Variants in CAPZB observed in about 807,000 individuals in gnomAD.
CAPZB encodes F-actin-capping protein subunit beta.
In CAPZB, 2 loss-of-function variants were observed where a neutral mutation model predicts 38.1. That is an observed-to-expected ratio of 0.05 (90% CI 0.02 to 0.17). CAPZB has a LOEUF of 0.17. Ranked by LOEUF, CAPZB falls within the 10% of genes least tolerant of loss-of-function variation. The pLI is 1.00. For missense variants in CAPZB, 161 were observed against 334.2 expected, an observed-to-expected ratio of 0.48 and a Z score of 4.04; for synonymous variants, 107 against 127.4, an observed-to-expected ratio of 0.84 and a Z score of 1.08.
At chr1:19,438,446 G>A (rs760946230) in intron 1 of CAPZB, among the ~76,000 whole-genome samples, 3 of 152,168 alleles carry the variant, frequency 2.0e-5, no homozygotes, top group Non-Finnish European at 4.4e-5. Flanking sequence ...GGGAAAGCAG[G>A]TTTTAATGAG....
At chr1:19,344,999 G>A (rs964068038) in intron 7 of CAPZB, among the ~76,000 whole-genome samples, 188 bp downstream of exon 7, 2 of 152,206 alleles carry the variant, frequency 1.3e-5, no homozygotes, top group East Asian at 1.9e-4. Flanking sequence ...CCCTGAAGCT[G>A]GAGCCTGCTG....
At chr1:19,401,981 T>C (rs1296125855) in intron 2 of CAPZB, among the ~76,000 whole-genome samples, 1 of 152,190 alleles carries the variant, frequency 6.6e-6, no homozygotes, top group Non-Finnish European at 1.5e-5. Context: ...TTTAAACCAG[T>C]AATTTAACTC....
intron 1 of CAPZB, among the ~76,000 whole-genome samples, chr1:19,476,457 A>T (rs1201159035): frequency 6.6e-6 from 1 of 152,200 alleles, no homozygotes; most frequent in African/African-American, 2.4e-5. Context: ...TCCTCTCAGA[A>T]TCCCTGCATC....
chr1:19,367,553 C>T (rs2094096130), intron 4 of CAPZB, among the ~76,000 whole-genome samples: 1 of 152,240 alleles, frequency 6.6e-6, no homozygotes, highest in Non-Finnish European at 1.5e-5. Context: ...GATGCTGAAA[C>T]TCAACCACCC....
At chr1:19,481,162 C>G (rs1418134916) in intron 1 of CAPZB, among the ~76,000 whole-genome samples, 1 of 152,160 alleles carries the variant, frequency 6.6e-6, no homozygotes, top group African/African-American at 2.4e-5. Flanking sequence ...TGGTGAGGAC[C>G]GTTCTAACAG....
intron 2 of CAPZB, among the ~76,000 whole-genome samples, chr1:19,396,478 G>A (rs944079671): frequency 1.7e-4 from 26 of 152,162 alleles, no homozygotes; most frequent in Admixed American, 1.6e-3. Flanking sequence ...CCCACTGGGC[G>A]TGGGCTGCCG....
chr1:19,453,783 A>G (rs528610484), intron 1 of CAPZB, among the ~76,000 whole-genome samples: 1 of 152,328 alleles, frequency 6.6e-6, no homozygotes, highest in East Asian at 1.9e-4. Context: ...CCCTGTGAAT[A>G]TTTGCTGAAT....
At chr1:19,414,470 G>T (rs1420441425) in intron 2 of CAPZB, among the ~76,000 whole-genome samples, 1 of 152,146 alleles carries the variant, frequency 6.6e-6, no homozygotes, top group African/African-American at 2.4e-5. Flanking sequence ...CCTTGATAGA[G>T]TAAAGTCTGG....
At chr1:19,464,918 G>A (rs1399211478) in intron 1 of CAPZB, among the ~76,000 whole-genome samples, 1 of 152,136 alleles carries the variant, frequency 6.6e-6, no homozygotes, top group Non-Finnish European at 1.5e-5. Flanking sequence ...GGCCAAAGGG[G>A]CATGAAGGGA....
At chr1:19,450,144 C>CAAAAAAAAAAAAAAAAAAAAAAAAAAAA (rs71008167) in intron 1 of CAPZB, among the ~76,000 whole-genome samples, 2 of 35,446 alleles carry the variant, frequency 5.6e-5, no homozygotes, top group Non-Finnish European at 1.3e-4. Context: ...ACCCTGTCTC[C>CAAAAAAAAAAAAAAAAAAAAAAAAAAAA]AAAAAAAAAA....
chr1:19,366,973 A>G (rs1217935969), intron 4 of CAPZB, among the ~76,000 whole-genome samples: 2 of 152,238 alleles, frequency 1.3e-5, no homozygotes, highest in Non-Finnish European at 2.9e-5. Context: ...GAAAAAGAGA[A>G]AACTGTCCAT....
intron 6 of CAPZB, among the ~76,000 whole-genome samples, chr1:19,351,155 G>T (rs996168738): frequency 6.6e-5 from 10 of 151,338 alleles, no homozygotes; most frequent in Admixed American, 2.0e-4. Flanking sequence ...GCTGATTTTT[G>T]TATTTTTAGT....
At chr1:19,417,509 A>T (rs1218394995) in intron 2 of CAPZB, among the ~76,000 whole-genome samples, 2 of 152,174 alleles carry the variant, frequency 1.3e-5, no homozygotes, top group East Asian at 3.9e-4. Flanking sequence ...ATGCAAAGCC[A>T]TTAAAGCACT....
At position 19,466,769 on chromosome 1, in the gene CAPZB, A is replaced by G. The variant is rs141814868; in HGVS notation, c.3+18667T>C. On this transcript the variant is annotated intron_variant, in intron 1 of 8. Transcript: ENST00000264202. ...GTTTAAGGGAGGTTTTAGAGAGCAT[A>G]TGGATGAATGCAGTTTAATAATTAC... Among the ~76,000 whole-genome samples, 500 of 152,342 alleles carry G rather than the reference A, an allele frequency of 3.3e-3. 1 individual carries two copies. The highest frequency in any genetic ancestry group is 0.01 in the Middle Eastern group (3 of 294).
intron 2 of CAPZB, among the ~76,000 whole-genome samples, chr1:19,393,998 T>TTTTTG (rs1304918201): frequency 2.0e-5 from 3 of 152,172 alleles, no homozygotes; most frequent in African/African-American, 4.8e-5. Flanking sequence ...GGGCCATATT[T>TTTTTG]TTTTGTTTTG....
At chr1:19,402,786 C>T (rs1486428563) in intron 2 of CAPZB, among the ~76,000 whole-genome samples, 1 of 152,172 alleles carries the variant, frequency 6.6e-6, no homozygotes, top group Non-Finnish European at 1.5e-5. Context: ...GGTGGCTCAC[C>T]TCTGTAATCC....
chr1:19,364,619 T>A (rs1006111996), intron 4 of CAPZB, among the ~76,000 whole-genome samples: 7 of 152,360 alleles, frequency 4.6e-5, no homozygotes, highest in East Asian at 1.9e-4. Context: ...ACCTTGTTTA[T>A]CCTTCTGAAC....
chr1:19,448,195 C>A (rs756417230), intron 1 of CAPZB, among the ~76,000 whole-genome samples: 1 of 152,236 alleles, frequency 6.6e-6, no homozygotes, highest in African/African-American at 2.4e-5. Flanking sequence ...AAGGGTGGTG[C>A]GCCGCTGCGC....
At chr1:19,455,839 A>C (rs1208440746) in intron 1 of CAPZB, among the ~76,000 whole-genome samples, 1 of 152,236 alleles carries the variant, frequency 6.6e-6, no homozygotes, top group African/African-American at 2.4e-5. Context: ...ATAGGTCACA[A>C]TCTCAAGCAA....
Sources: allele counts gnomAD v4.1 joint callset (sites outside exome capture counted in the v4.1 genomes callset), GRCh38; gene constraint gnomAD v4.1.1; transcripts MANE v1.5; gene names NCBI Gene and HGNC (gene_info 2026-07-23, HGNC 2026-07-21).